The following SEC24B variants were observed in gnomAD, a reference collection of about 807,000 sequenced individuals.
SEC24B encodes the protein SEC24 homolog B, COPII component.
Under a neutral mutation model 142.8 loss-of-function variants are expected in SEC24B, and 45 were observed. The ratio of observed to expected loss-of-function variants is 0.32; its 90% CI spans 0.25 to 0.40. The LOEUF (loss-of-function observed/expected upper bound fraction) is 0.40. Ranked by LOEUF, SEC24B falls within the 10% of genes least tolerant of loss-of-function variation. The pLI, the probability that SEC24B is intolerant of heterozygous loss-of-function variation, is 1.00. For missense variants in SEC24B, 1,409 were observed against 1,526.8 expected (o/e 0.92, Z 1.29); for synonymous variants, 574 against 568.2 (o/e 1.01, Z -0.15).
intron 1 of SEC24B, among the ~76,000 whole-genome samples, chr4:109,434,282 C>T (rs1454954912): frequency 3.3e-5 from 5 of 152,102 alleles, no homozygotes; most frequent in African/African-American, 1.2e-4. Context: ...TGTAATGCGA[C>T]CCCAGGCCCG....
chr4:109,506,468 A>G lies in SEC24B; in HGVS notation c.1629A>G (p.Val543=). ...CTATGACTCCTGTTTGGGCTCCTGT[A>G]CCTAACTTGAATGCAGACCTCAAAA... ...ILPMTPVWAP[V]PNLNADLKKL... Residue 543 remains valine, a synonymous_variant, in exon 7 of 24, where the codon GTA becomes GTG. Coordinates refer to ENST00000265175, the MANE Select transcript of SEC24B (RefSeq NM_006323.5). The G allele has an allele frequency of 1.2e-6, 2 of 1,600,358 alleles. No homozygotes were observed. The highest frequency in any genetic ancestry group is 1.1e-5 in the South Asian group (1 of 88,316).
intron 1 of SEC24B, among the ~76,000 whole-genome samples, chr4:109,443,132 G>A (rs1390352943): frequency 6.6e-6 from 1 of 151,964 alleles, no homozygotes; most frequent in Non-Finnish European, 1.5e-5. Flanking sequence ...CTGTCTCTCT[G>A]CCTCCCTTTC....
At chr4:109,465,409 T>C (rs1731758626) in intron 2 of SEC24B, among the ~76,000 whole-genome samples, 1 of 152,306 alleles carries the variant, frequency 6.6e-6, no homozygotes, top group Admixed American at 6.5e-5. Context: ...TGTAGTCCTT[T>C]TGTTTTACAA....
rs144470009 is a variant in SEC24B, at chr4:109,505,895, C to T, written c.1489-433C>T. 3.9e-5 allele frequency among the ~76,000 whole-genome samples: 6 copies of T among 152,150 alleles called. 1 individual carries two copies. The highest frequency in any genetic ancestry group is 1.4e-4 in the African/African-American group (6 of 41,512). ...ATTACATCAGTTTGAGATAACAAGC[C>T]ATTAATTCATGATAATATTAAAAAC... is the stretch of plus-strand genomic sequence containing the variant. On this transcript the variant is annotated intron_variant, in intron 6 of 23. Transcript: ENST00000265175.
intron 6 of SEC24B, among the ~76,000 whole-genome samples, chr4:109,495,368 A>G (rs1222986072): frequency 1.3e-5 from 2 of 152,200 alleles, no homozygotes; most frequent in African/African-American, 4.8e-5. Flanking sequence ...TGAAGTGGCT[A>G]CATTGTCTGG....
chr4:109,525,546 A>G (rs992950552), intron 16 of SEC24B, 42 bp downstream of exon 16: 1 of 1,409,828 alleles, frequency 7.1e-7, no homozygotes, highest in Non-Finnish European at 9.6e-7. Flanking sequence ...AAATACTTGT[A>G]TCAAAGTCAG....
chr4:109,466,591 T>C (rs1731906303), intron 2 of SEC24B, among the ~76,000 whole-genome samples: 1 of 152,168 alleles, frequency 6.6e-6, no homozygotes, highest in Admixed American at 6.5e-5. Context: ...TTTATATTTT[T>C]AGTAGAGACA....
chr4:109,493,986 ATAGT>A (rs1201536693), intron 5 of SEC24B, among the ~76,000 whole-genome samples: 5 of 152,196 alleles, frequency 3.3e-5, no homozygotes, highest in African/African-American at 4.8e-5. Context: ...TACTCCTTCC[ATAGT>A]TAGTTTTTAT....
intron 18 of SEC24B, among the ~76,000 whole-genome samples, chr4:109,528,952 C>G (rs529407288): frequency 1.3e-5 from 2 of 152,314 alleles, no homozygotes; most frequent in East Asian, 3.9e-4. Context: ...CACTTAACTT[C>G]AGGAGTTCAA....
rs762084387 is a variant in SEC24B at position 109,520,476 on chromosome 4, A to G, written c.2237A>G (p.Asp746Gly). Residue 746 changes from aspartate to glycine, a missense_variant, in exon 12 of 24, where the codon GAT (aspartate) becomes GGT (glycine). By Grantham distance (94) the Asp-to-Gly change is moderately conservative. This residue lies in a region of SEC24B where 700 missense variants were observed against 853.3 expected (regional missense o/e 0.82). Transcript: ENST00000265175. Reference sequence around the variant, plus strand: ...CAGCCTCAAATGTTGATTGTGTCTGATATAGATGGTAAGCAGTCAGTAAAA... The same window carrying G: ...CAGCCTCAAATGTTGATTGTGTCTGGTATAGATGGTAAGCAGTCAGTAAAA... ...LSQPQMLIVS[D>G]IDDVFLPTPD... 1.5e-5 allele frequency: 23 copies of G among 1,579,586 alleles called. No individual in the cohort carries two copies. In the Middle Eastern group the frequency reaches 6.7e-4, roughly 46 times the overall value.
At chr4:109,457,215 A>C (rs1378227011) in intron 1 of SEC24B, among the ~76,000 whole-genome samples, 1 of 152,226 alleles carries the variant, frequency 6.6e-6, no homozygotes. Flanking sequence ...CTGCTGAAAC[A>C]AATGGCCACA....
At chr4:109,529,932 C>G (rs1724713267) in intron 18 of SEC24B, among the ~76,000 whole-genome samples, 1 of 152,176 alleles carries the variant, frequency 6.6e-6, no homozygotes. Flanking sequence ...CAAGGTCTCA[C>G]TATGTTGCCT....
Position 109,463,137 on chromosome 4 carries a change from C to T in SEC24B, c.370C>T (p.Pro124Ser). Residue 124 changes from proline to serine, a missense_variant, in exon 2 of 24, where the codon CCT becomes TCT. Physicochemically the swap from Pro to Ser is moderately conservative, Grantham distance 74 (BLOSUM62 -1). Around this residue, in one of 2 missense-constraint regions of SEC24B, gnomAD observed 709 missense variants for 673.5 expected, o/e 1.05. Coordinates refer to ENST00000265175, the MANE Select transcript of SEC24B (RefSeq NM_006323.5). ...GTTGTACAGCAGGGGTCCTCCTGCC[C>T]CTCATATTGTGGGATCCACTCTAGG... ...QQLYSRGPPAPHIVGSTLGSF... is the reference protein window; with the variant it reads ...QQLYSRGPPASHIVGSTLGSF... 6.2e-7 allele frequency: 1 copy of T among 1,614,034 alleles called. No individual in the cohort carries two copies. Among genetic ancestry groups the T allele is most frequent in the South Asian group, 1.1e-5 (1 of 91,078 alleles).
In SEC24B at chr4:109,526,529, A is replaced by G. The variant is rs1724244717; in HGVS notation, c.2965+130A>G. On this transcript the variant is annotated intron_variant, in intron 17 of 23. Coordinates refer to ENST00000265175, the MANE Select transcript of SEC24B (RefSeq NM_006323.5). The stretch of plus-strand genomic sequence containing the variant: ...AATGGAATTTGTATTAGTTAATCAA[A>G]CATATGTTGTTATTTTCTTTCTTTT... 44 of 582,140 alleles carry G rather than the reference A, an allele frequency of 7.6e-5. No homozygotes were observed. The East Asian group carries it at 1.4e-3, about 19-fold the overall frequency. The allele number at this position is 582,140 out of a possible 1,614,324, so 36.1% of individuals were successfully genotyped here.
In SEC24B at chr4:109,530,431, G is replaced by A. The variant is rs748265842; in HGVS notation, c.3219G>A (p.Leu1073=). Reference sequence around the variant, plus strand: ...TGATGGCGCCCAGCTCCCTCAAGTTGTTTCCTCTCTATGTTTTGGCCCTTC... The same window carrying A: ...TGATGGCGCCCAGCTCCCTCAAGTTATTTCCTCTCTATGTTTTGGCCCTTC... ...SALMAPSSLK[L]FPLYVLALLK... The change falls in exon 19 of 24, where the codon TTG becomes TTA. Residue 1073 remains leucine (L), a synonymous_variant. Transcript: ENST00000265175. The A allele has an allele frequency of 6.8e-6, 11 of 1,613,792 alleles. No homozygotes were observed. The East Asian group carries it at 2.0e-4, about 29-fold the overall frequency.
chr4:109,508,023 T>C (rs1469752393), intron 7 of SEC24B, among the ~76,000 whole-genome samples: 2 of 152,148 alleles, frequency 1.3e-5, no homozygotes, highest in Admixed American at 6.6e-5. Flanking sequence ...AAATATTATA[T>C]AGAATTCCAA....
At chr4:109,503,173 C>T (rs1477941538) in intron 6 of SEC24B, among the ~76,000 whole-genome samples, 3 of 151,386 alleles carry the variant, frequency 2.0e-5, no homozygotes, top group African/African-American at 7.3e-5. Flanking sequence ...GATTCTCCTG[C>T]CTCAGACTCC....
intron 1 of SEC24B, among the ~76,000 whole-genome samples, chr4:109,453,454 C>A (rs1049495331): frequency 2.5e-5 from 3 of 121,494 alleles, no homozygotes; most frequent in Non-Finnish European, 3.5e-5. Context: ...CCCCCCCCCC[C>A]CCCCCGAATG....
At chr4:109,466,554 G>A (rs1731896191) in intron 2 of SEC24B, among the ~76,000 whole-genome samples, 1 of 152,152 alleles carries the variant, frequency 6.6e-6, no homozygotes, top group South Asian at 2.1e-4. Flanking sequence ...GGGACTAGCG[G>A]CACCCGCCAC....
Sources: gnomAD v4.1 joint callset for allele counts (sites outside exome capture counted in the v4.1 genomes callset) on GRCh38, gnomAD v4.1.1 for gene constraint, gnomAD v4.1.1 regional missense constraint, MANE v1.5 for transcripts, NCBI Gene and HGNC (gene_info 2026-07-23, HGNC 2026-07-21) for gene names.